GPC5: variants seen among roughly 807,000 people sequenced by gnomAD.
GPC5 encodes glypican-5.
In GPC5, 47 loss-of-function variants were observed where a neutral mutation model predicts 53.9. That is an observed-to-expected ratio of 0.87 (90% CI 0.69 to 1.11). GPC5 has a LOEUF of 1.11. GPC5 is among the 50% of genes most tolerant of loss of function. The probability of loss-of-function intolerance (pLI) is 0.00; values close to 1 mark genes in which losing one functional copy is unlikely to be tolerated. For missense variants in GPC5, 748 were observed against 713.1 expected (o/e 1.05, Z -0.56); for synonymous variants, 286 against 263.3 (o/e 1.09, Z -0.84).
In GPC5 at chr13:92,717,530, G is replaced by A. The variant is rs1036620222; in HGVS notation, c.1562-148752G>A. Among the ~76,000 whole-genome samples, 4 of 152,260 alleles carry A rather than the reference G, an allele frequency of 2.6e-5. No individual in the cohort carries two copies. In the South Asian group the frequency reaches 8.3e-4, roughly 32 times the overall value. On this transcript the variant is annotated intron_variant, in intron 7 of 7. Transcript: ENST00000377067. ...ATTTGGGGAGTTTTCACTCTGGAGA[G>A]AAGCTGTTGTTACATTTGAATCCTC...
intron 3 of GPC5, among the ~76,000 whole-genome samples, chr13:91,727,721 A>G (rs1029809591): frequency 2.0e-5 from 3 of 152,168 alleles, no homozygotes; most frequent in Non-Finnish European, 2.9e-5. Context: ...GTCTCAATAT[A>G]AAGAAAGGAA....
At chr13:92,562,077 A>G (rs1184041306) in intron 7 of GPC5, among the ~76,000 whole-genome samples, 1 of 152,098 alleles carries the variant, frequency 6.6e-6, no homozygotes, top group Non-Finnish European at 1.5e-5. Flanking sequence ...TCCAATAGGA[A>G]TTCAGAAATA....
chr13:91,773,026 G>A (rs1353814632), intron 5 of GPC5, among the ~76,000 whole-genome samples: 1 of 152,174 alleles, frequency 6.6e-6, no homozygotes. Flanking sequence ...CTGTAGAAAT[G>A]ATGTGAGATT....
intron 7 of GPC5, chr13:92,447,762 A>T (rs1048874608): frequency 3.3e-5 from 5 of 152,142 alleles, no homozygotes; most frequent in African/African-American, 1.2e-4. Context: ...TACCAGGAAA[A>T]AAAGGCCACC....
At chr13:91,781,245 T>C (rs1424943568) in intron 5 of GPC5, among the ~76,000 whole-genome samples, 1 of 152,234 alleles carries the variant, frequency 6.6e-6, no homozygotes, top group African/African-American at 2.4e-5. Context: ...GTTGCCATTT[T>C]GAAGCTGCAT....
At chr13:92,508,045 T>C (rs1199141921) in intron 7 of GPC5, among the ~76,000 whole-genome samples, 1 of 152,090 alleles carries the variant, frequency 6.6e-6, no homozygotes, top group Non-Finnish European at 1.5e-5. Context: ...CTCATTGCAA[T>C]CTCCGCCTCC....
At chr13:91,821,475 T>C (rs187986509) in intron 5 of GPC5, among the ~76,000 whole-genome samples, 2 of 152,338 alleles carry the variant, frequency 1.3e-5, no homozygotes, top group East Asian at 3.9e-4. Flanking sequence ...TAAAACTTCC[T>C]ACAATGTTGA....
In GPC5 at chr13:92,515,986, C is replaced by A. The variant is rs531643899; in HGVS notation, c.1562-350296C>A. On this transcript the variant is annotated intron_variant, in intron 7 of 7. Transcript: ENST00000377067. ...GCGTAAAAGTAGCATTAGACTTTTT[C>A]TAGTGTGATATTACTATTAAATCAT... Among the ~76,000 whole-genome samples, 5 of 152,170 alleles carry A rather than the reference C, an allele frequency of 3.3e-5. No individual in the cohort carries two copies. The South Asian group carries it at 1.0e-3, about 32-fold the overall frequency.
At chr13:92,708,540 G>GTCTT (rs1460387178) in intron 7 of GPC5, among the ~76,000 whole-genome samples, 1 of 152,152 alleles carries the variant, frequency 6.6e-6, no homozygotes, top group South Asian at 2.1e-4. Flanking sequence ...TAAGTCAAAA[G>GTCTT]TCTTTGACTT....
intron 7 of GPC5, among the ~76,000 whole-genome samples, chr13:92,492,264 T>C (rs2138913979): frequency 6.6e-6 from 1 of 152,196 alleles, no homozygotes; most frequent in South Asian, 2.1e-4. Context: ...GAGTAACACA[T>C]TAATTTTCTT....
intron 1 of GPC5, 45 bp from the exon 2 acceptor site, chr13:91,448,716 G>T: frequency 6.3e-7 from 1 of 1,593,036 alleles, no homozygotes; most frequent in Non-Finnish European, 8.6e-7. Context: ...TGTAATACTT[G>T]TTAAATGAAC....
At chr13:91,933,055 G>A (rs1371324885) in intron 6 of GPC5, among the ~76,000 whole-genome samples, 1 of 151,884 alleles carries the variant, frequency 6.6e-6, no homozygotes, top group African/African-American at 2.4e-5. Flanking sequence ...TCCCTTATCT[G>A]TCAAAGGGAT....
At chr13:92,647,140 C>A (rs953932897) in intron 7 of GPC5, among the ~76,000 whole-genome samples, 1 of 151,936 alleles carries the variant, frequency 6.6e-6, no homozygotes, top group African/African-American at 2.4e-5. Flanking sequence ...TTCACTAAGA[C>A]CTCAGCCTAA....
intron 5 of GPC5, among the ~76,000 whole-genome samples, chr13:91,829,737 G>A (rs2038626498): frequency 6.6e-6 from 1 of 151,968 alleles, no homozygotes; most frequent in Admixed American, 6.6e-5. Context: ...TTTAAAGCTG[G>A]GCATCCGGGG....
chr13:92,558,177 A>G (rs1391484154), intron 7 of GPC5, among the ~76,000 whole-genome samples: 2 of 152,066 alleles, frequency 1.3e-5, no homozygotes, highest in Non-Finnish European at 2.9e-5. Flanking sequence ...AATTGATAGT[A>G]AATCAAGCAT....
chr13:92,075,124 A>G (rs1300380730), intron 6 of GPC5, among the ~76,000 whole-genome samples: 44 of 152,188 alleles, frequency 2.9e-4, no homozygotes, highest in Non-Finnish European at 1.9e-4. Context: ...CCCAATGCCA[A>G]AAAGAATCCA....
intron 5 of GPC5, among the ~76,000 whole-genome samples, chr13:91,868,460 A>G (rs1435101983): frequency 6.6e-6 from 1 of 152,198 alleles, no homozygotes; most frequent in Non-Finnish European, 1.5e-5. Context: ...TAATCCCAAC[A>G]CTGGGAAGTC....
At chr13:91,968,422 T>A (rs2065194) in intron 6 of GPC5, among the ~76,000 whole-genome samples, 61,825 of 152,000 alleles carry the variant, frequency 0.41, 14,606 homozygotes, top group East Asian at 0.75. Flanking sequence ...AATATTAATA[T>A]ATGTTTCAAA....
At chr13:91,611,969 G>GTTTCTGAGCTCTA (rs1206070289) in intron 2 of GPC5, among the ~76,000 whole-genome samples, 1 of 152,112 alleles carries the variant, frequency 6.6e-6, no homozygotes, top group Non-Finnish European at 1.5e-5. Flanking sequence ...CGCGTTAATG[G>GTTTCTGAGCTCTA]TTTCTGAGCT....
Sources: allele counts gnomAD v4.1 joint callset (sites outside exome capture counted in the v4.1 genomes callset), GRCh38; gene constraint gnomAD v4.1.1; transcripts MANE v1.5; gene names NCBI Gene and HGNC (gene_info 2026-07-23, HGNC 2026-07-21).